The following COL24A1 variants were observed in gnomAD, a reference collection of about 807,000 sequenced individuals.
COL24A1 encodes collagen alpha-1(XXIV) chain.
A neutral mutation model predicts 253.9 loss-of-function variants in COL24A1; 224 were observed. The ratio of observed to expected loss-of-function variants is 0.88; its 90% CI spans 0.79 to 0.99. The LOEUF (loss-of-function observed/expected upper bound fraction) is 0.99. Among genes scored for constraint, COL24A1 ranks in the 50% least tolerant of loss-of-function variants. COL24A1 has a pLI of 0.00. For missense variants in COL24A1, 2,131 were observed against 2,068.5 expected (o/e 1.03, Z -0.59); for synonymous variants, 685 against 673.7 (o/e 1.02, Z -0.26).
At chr1:85,885,676 T>A (rs1454339418) in intron 32 of COL24A1, among the ~76,000 whole-genome samples, 1 of 152,132 alleles carries the variant, frequency 6.6e-6, no homozygotes. Context: ...AGGTAATGGT[T>A]TTTAAAGGAA....
intron 19 of COL24A1, among the ~76,000 whole-genome samples, chr1:85,995,798 T>G (rs1338230936): frequency 6.6e-6 from 1 of 152,026 alleles, no homozygotes. Context: ...CTTGCAAGAT[T>G]TGGTTGTTTA....
intron 12 of COL24A1, among the ~76,000 whole-genome samples, chr1:86,039,515 A>G (rs1421026537): frequency 6.6e-6 from 1 of 152,206 alleles, no homozygotes; most frequent in Non-Finnish European, 1.5e-5. Context: ...AAAAAACAAA[A>G]GCAATACAAA....
At position 85,828,015 on chromosome 1, in the gene COL24A1, G is replaced by C. The variant is rs568140785; in HGVS notation, c.3682-4277C>G. Among the ~76,000 whole-genome samples, 5 of 151,988 alleles carry C rather than the reference G, an allele frequency of 3.3e-5. No individual in the cohort carries two copies. In the East Asian group the frequency reaches 9.6e-4, roughly 29 times the overall value. Reference sequence around the variant, plus strand: ...TCTAGTTCTTTTAATTGTGATGTTAGGGTGTCAATTTTGGATCTTTCCTGG... The same window carrying C: ...TCTAGTTCTTTTAATTGTGATGTTACGGTGTCAATTTTGGATCTTTCCTGG... On this transcript the variant is annotated intron_variant, in intron 43 of 59. Coordinates refer to ENST00000370571, the MANE Select transcript of COL24A1 (RefSeq NM_152890.7).
chr1:85,816,090 C>A (rs1673015435), intron 47 of COL24A1, among the ~76,000 whole-genome samples: 1 of 152,028 alleles, frequency 6.6e-6, no homozygotes, highest in Admixed American at 6.6e-5. Flanking sequence ...GGCTACTACC[C>A]CTGGTGACTG....
intron 7 of COL24A1, among the ~76,000 whole-genome samples, chr1:86,070,577 A>G (rs1168902667): frequency 6.6e-6 from 1 of 152,208 alleles, no homozygotes; most frequent in African/African-American, 2.4e-5. Flanking sequence ...CATGATCCTA[A>G]AAGCAGTGAA....
chr1:85,914,391 CTTTTT>C (rs915540362), intron 24 of COL24A1, among the ~76,000 whole-genome samples: 1 of 115,782 alleles, frequency 8.6e-6, no homozygotes, highest in Non-Finnish European at 1.9e-5. Flanking sequence ...TTTTTCTTTT[CTTTTT>C]TTTTTTTTTC....
At chr1:85,977,139 G>T (rs1458464824) in intron 20 of COL24A1, among the ~76,000 whole-genome samples, 1 of 152,164 alleles carries the variant, frequency 6.6e-6, no homozygotes, top group South Asian at 2.1e-4. Context: ...CTGCAGTCCA[G>T]CTCTCAGGAA....
intron 43 of COL24A1, among the ~76,000 whole-genome samples, chr1:85,832,864 A>G (rs1319876684): frequency 6.6e-6 from 1 of 151,028 alleles, no homozygotes; most frequent in African/African-American, 2.5e-5. Flanking sequence ...CAATCATGTC[A>G]TCTGCAAACA....
At position 85,871,162 on chromosome 1, in the gene COL24A1, C is replaced by G. The variant is rs182346701; in HGVS notation, c.3139-2327G>C. On this transcript the variant is annotated intron_variant, in intron 35 of 59. Coordinates refer to ENST00000370571, the MANE Select transcript of COL24A1 (RefSeq NM_152890.7). The stretch of plus-strand genomic sequence containing the variant: ...GACTAAGCCAGGAAGAAGTTGAATC[C>G]CTGAATAGACCAATAATAGGCTCTA... Among the ~76,000 whole-genome samples the G allele has an allele frequency of 2.1e-3, 315 of 152,096 alleles. 10 individuals carry two copies. In the South Asian group the frequency reaches 0.053, roughly 25 times the overall value.
intron 47 of COL24A1, among the ~76,000 whole-genome samples, 159 bp from the exon 48 acceptor site, chr1:85,786,620 A>G (rs937848239): frequency 3.9e-5 from 6 of 152,188 alleles, no homozygotes; most frequent in Non-Finnish European, 8.8e-5. Flanking sequence ...AAATGTTTAA[A>G]TACTTTTTTA....
At chr1:86,095,452 G>T (rs1452082059) in intron 5 of COL24A1, among the ~76,000 whole-genome samples, 2 of 151,942 alleles carry the variant, frequency 1.3e-5, no homozygotes, top group Non-Finnish European at 2.9e-5. Flanking sequence ...TCTTAACTTG[G>T]CTAGTTGTGG....
At position 86,152,057 on chromosome 1, in the gene COL24A1, G is replaced by A. The variant is rs181171760; in HGVS notation, c.56+4284C>T. On this transcript the variant is annotated intron_variant, in intron 1 of 59. Coordinates refer to ENST00000370571, the MANE Select transcript of COL24A1 (RefSeq NM_152890.7). The stretch of plus-strand genomic sequence containing the variant: ...TACTAGCTACTAAGATCGAGAAATA[G>A]TAAAATTTCTGTTCTTTCCTCTCAA... Among the ~76,000 whole-genome samples, 6 of 152,302 alleles carry A rather than the reference G, an allele frequency of 3.9e-5. No individual in the cohort carries two copies. In the East Asian group the frequency reaches 9.6e-4, roughly 24 times the overall value.
chr1:85,882,545 T>G lies in COL24A1; in HGVS notation c.2977-5370A>C, dbSNP rs368444418. ...TTTATGGCCCAGAATTTGGTCTATCTTGGTGAGTGTTCCATGTCAGTTTGT... is the reference window on the plus strand; with the variant it reads ...TTTATGGCCCAGAATTTGGTCTATCGTGGTGAGTGTTCCATGTCAGTTTGT... On this transcript the variant is annotated intron_variant, in intron 32 of 59. Transcript: ENST00000370571. Among the ~76,000 whole-genome samples the G allele has an allele frequency of 7.9e-4, 120 of 152,260 alleles. No individual in the cohort carries two copies. The Middle Eastern group carries it at 0.017, about 22-fold the overall frequency.
chr1:86,126,017 T>A lies in COL24A1; in HGVS notation c.319A>T (p.Thr107Ser), dbSNP rs1333940187. 6 of 1,613,674 alleles carry A rather than the reference T, an allele frequency of 3.7e-6. No homozygotes were observed. In the South Asian group the frequency reaches 6.6e-5, roughly 18 times the overall value. Residue 107 changes from threonine to serine, a missense_variant, in exon 3 of 60, where the codon ACA (threonine) becomes TCA (serine). Physicochemically the swap from Thr to Ser is moderately conservative, Grantham distance 58 (BLOSUM62 1). Coordinates refer to ENST00000370571, the MANE Select transcript of COL24A1 (RefSeq NM_152890.7). Reference protein sequence around the residue: ...ILPVNLGQPFTILTGLQSHRV... With the variant: ...ILPVNLGQPFSILTGLQSHRV... Reference sequence around the variant, plus strand: ...TGTGACTGTAACCCAGTTAATATTGTAAACGGCTGCCCCAAGTTGACTGGT... The same window carrying A: ...TGTGACTGTAACCCAGTTAATATTGAAAACGGCTGCCCCAAGTTGACTGGT...
At chr1:86,084,515 C>G (rs1702904778) in intron 7 of COL24A1, among the ~76,000 whole-genome samples, 1 of 152,136 alleles carries the variant, frequency 6.6e-6, no homozygotes, top group Non-Finnish European at 1.5e-5. Context: ...TGGCTTTTTC[C>G]TTGGTCCCAT....
intron 43 of COL24A1, among the ~76,000 whole-genome samples, chr1:85,832,493 T>C (rs891460180): frequency 1.3e-4 from 20 of 151,516 alleles, no homozygotes; most frequent in Middle Eastern, 3.4e-3. Flanking sequence ...GGGGATGGCA[T>C]TGAATCTGTA....
rs549980617 is a variant in COL24A1, at chr1:85,803,267, C to A, written c.3951+13521G>T. Among the ~76,000 whole-genome samples the A allele has an allele frequency of 2.0e-5, 3 of 152,000 alleles. No individual in the cohort carries two copies. In the South Asian group the frequency reaches 6.2e-4, roughly 32 times the overall value. ...GTTTGACACCATTGTGAAACCCCAT[C>A]TCTACTAAAAATTTTAGTTAGATAT... On this transcript the variant is annotated intron_variant, in intron 47 of 59. Coordinates refer to ENST00000370571, the MANE Select transcript of COL24A1 (RefSeq NM_152890.7).
At chr1:85,975,618 T>C (rs992222898) in intron 20 of COL24A1, among the ~76,000 whole-genome samples, 3 of 152,134 alleles carry the variant, frequency 2.0e-5, no homozygotes, top group African/African-American at 7.2e-5. Context: ...AGGTTGGGAA[T>C]GGTAGTAGGG....
At chr1:85,786,228 G>T (rs1669671170) in intron 48 of COL24A1, 126 bp downstream of exon 48, 10 of 725,024 alleles carry the variant, frequency 1.4e-5, no homozygotes, top group Admixed American at 2.6e-5. Flanking sequence ...TTCCTAACGT[G>T]CTTTTACTAT....
Sources: allele counts gnomAD v4.1 joint callset (sites outside exome capture counted in the v4.1 genomes callset), GRCh38; gene constraint gnomAD v4.1.1; transcripts MANE v1.5; gene names NCBI Gene and HGNC (gene_info 2026-07-23, HGNC 2026-07-21).